The following VPS8 variants were observed in gnomAD, a reference collection of about 807,000 sequenced individuals.
The protein encoded by VPS8 is vacuolar protein sorting-associated protein 8 homolog.
Under a neutral mutation model 216.4 loss-of-function variants are expected in VPS8, and 129 were observed. That is an observed-to-expected ratio of 0.60 (90% CI 0.52 to 0.69). VPS8 has a LOEUF of 0.69. VPS8 is among the 30% of genes least tolerant of loss of function. The probability of loss-of-function intolerance (pLI) is 0.00; values close to 1 mark genes in which losing one functional copy is unlikely to be tolerated. For synonymous variants in VPS8, 571 were observed against 565.4 expected (o/e 1.01, Z -0.14); for missense variants, 1,531 against 1,683.5 (o/e 0.91, Z 1.59).
chr3:185,046,194 T>A (rs1280438802), intron 46 of VPS8, among the ~76,000 whole-genome samples: 1 of 152,214 alleles, frequency 6.6e-6, no homozygotes, highest in East Asian at 1.9e-4. Flanking sequence ...AGAATACTTT[T>A]ATGTTTTTGG....
chr3:184,904,124 A>AT (rs1560605708), intron 25 of VPS8, among the ~76,000 whole-genome samples: 2 of 152,108 alleles, frequency 1.3e-5, no homozygotes, highest in African/African-American at 4.8e-5. Flanking sequence ...ATTAGTGCTA[A>AT]TTTTTAACTT....
chr3:185,024,754 G>A (rs901528345), intron 46 of VPS8, among the ~76,000 whole-genome samples: 3 of 152,192 alleles, frequency 2.0e-5, no homozygotes, highest in Non-Finnish European at 2.9e-5. Flanking sequence ...TGTAATCCCA[G>A]CACTTTGGGA....
intron 1 of VPS8, among the ~76,000 whole-genome samples, chr3:184,822,428 C>T (rs1003998155): frequency 6.6e-6 from 1 of 152,122 alleles, no homozygotes; most frequent in Non-Finnish European, 1.5e-5. Context: ...GGTCTTGGAA[C>T]CTCTTAATAA....
At chr3:185,007,562 C>A (rs4591487) in intron 45 of VPS8, among the ~76,000 whole-genome samples, 135,343 of 152,214 alleles carry the variant, frequency 0.89, 61,556 homozygotes, top group Non-Finnish European at 0.98. Flanking sequence ...CAGGGCTTGG[C>A]GTTCTTGAGA....
chr3:184,932,661 A>C (rs1361047517), intron 34 of VPS8, among the ~76,000 whole-genome samples: 1 of 152,120 alleles, frequency 6.6e-6, no homozygotes, highest in Non-Finnish European at 1.5e-5. Flanking sequence ...CTGTTACTGC[A>C]TGTGCATGCA....
At chr3:184,936,196 C>G (rs1171110859) in intron 34 of VPS8, 50 bp from the exon 35 acceptor site, 1 of 1,483,298 alleles carries the variant, frequency 6.7e-7, no homozygotes, top group Admixed American at 1.9e-5. Flanking sequence ...TGTGGATATG[C>G]TGTTTAAATG....
chr3:184,942,448 G>C (rs149893975), intron 36 of VPS8, among the ~76,000 whole-genome samples: 2 of 152,114 alleles, frequency 1.3e-5, no homozygotes, highest in Admixed American at 6.6e-5. Flanking sequence ...AAGAGTCAGC[G>C]TGCTCACAGG....
intron 44 of VPS8, among the ~76,000 whole-genome samples, chr3:184,997,293 A>G (rs775978090): frequency 6.6e-6 from 1 of 152,208 alleles, no homozygotes; most frequent in Non-Finnish European, 1.5e-5. Context: ...ACTCTACTAC[A>G]TGCCAGCTGT....
At chr3:184,951,074 A>G (rs1485047644) in intron 36 of VPS8, among the ~76,000 whole-genome samples, 3 of 152,208 alleles carry the variant, frequency 2.0e-5, no homozygotes, top group East Asian at 1.9e-4. Flanking sequence ...TCCTTCGGGT[A>G]TATACCCAGT....
intron 28 of VPS8, among the ~76,000 whole-genome samples, chr3:184,916,082 C>G (rs1277095841): frequency 6.6e-6 from 1 of 152,104 alleles, no homozygotes; most frequent in Non-Finnish European, 1.5e-5. Context: ...GAACTTAGGG[C>G]CTGGCATACA....
At chr3:184,820,033 G>T (rs1309307118) in intron 1 of VPS8, among the ~76,000 whole-genome samples, 1 of 152,130 alleles carries the variant, frequency 6.6e-6, no homozygotes, top group African/African-American at 2.4e-5. Context: ...CACTGTCTTG[G>T]GTGGAAGAGG....
intron 1 of VPS8, among the ~76,000 whole-genome samples, chr3:184,816,429 T>C (rs1234938338): frequency 1.3e-5 from 2 of 152,196 alleles, no homozygotes; most frequent in African/African-American, 4.8e-5. Flanking sequence ...TATGTACTTA[T>C]GATCACTCTC....
chr3:185,038,514 G>A (rs943197551), intron 46 of VPS8, among the ~76,000 whole-genome samples: 1 of 152,120 alleles, frequency 6.6e-6, no homozygotes, highest in Non-Finnish European at 1.5e-5. Flanking sequence ...TGTAGTCTAG[G>A]TTGTATTTTC....
chr3:184,833,426 C>T (rs1016895176), intron 4 of VPS8, among the ~76,000 whole-genome samples: 3 of 152,044 alleles, frequency 2.0e-5, no homozygotes, highest in African/African-American at 7.3e-5. Context: ...TTCGATTTTG[C>T]CTGTGTCAAT....
intron 29 of VPS8, among the ~76,000 whole-genome samples, chr3:184,923,768 G>T (rs1198249501): frequency 2.6e-5 from 4 of 152,094 alleles, no homozygotes; most frequent in African/African-American, 2.4e-5. Flanking sequence ...CCATGATTTT[G>T]CTCTCACTCT....
At chr3:184,818,478 T>C (rs1321812647) in intron 1 of VPS8, among the ~76,000 whole-genome samples, 1 of 148,162 alleles carries the variant, frequency 6.7e-6, no homozygotes, top group Non-Finnish European at 1.5e-5. Context: ...GCCGAGCTTA[T>C]GCCACTGCAC....
At position 184,912,822 on chromosome 3, in the gene VPS8, T is replaced by C. The variant is rs144171391; in HGVS notation, c.2147-697T>C. ...TGTCCAGTATTCATATTACCAAAAA[T>C]AGAAACTCCAGCTCTTCATTATTGC... On this transcript the variant is annotated intron_variant, in intron 25 of 47. Coordinates refer to ENST00000625842, the MANE Select transcript of VPS8 (RefSeq NM_001009921.3). Among the ~76,000 whole-genome samples, 26 of 152,334 alleles carry C rather than the reference T, an allele frequency of 1.7e-4. No individual in the cohort carries two copies. The East Asian group carries it at 4.6e-3, about 27-fold the overall frequency.
intron 4 of VPS8, among the ~76,000 whole-genome samples, chr3:184,833,633 G>A (rs911011771): frequency 1.3e-5 from 2 of 152,132 alleles, no homozygotes; most frequent in African/African-American, 2.4e-5. Context: ...TCTGGGCCAC[G>A]CTTACTGTTT....
At position 184,832,723 on chromosome 3, in the gene VPS8, A is replaced by G; in HGVS notation, c.257A>G (p.Asp86Gly). ...DDEDESFILE[D>G]PTLLNIDTID... ...GAAGATGAGTCTTTTATTCTTGAGG[A>G]TCCTACATTGTTAAACATTGATACT... The change falls in exon 4 of 48, where the codon GAT becomes GGT. Residue 86 changes from aspartate to glycine, a missense_variant. Asp to Gly is a moderately conservative substitution (Grantham distance 94). This residue lies in a region of VPS8 where 199 missense variants were observed against 182.2 expected (regional missense o/e 1.09). Transcript: ENST00000625842. 1 of 1,606,422 alleles carries G rather than the reference A, an allele frequency of 6.2e-7. No homozygotes were observed. The highest frequency in any genetic ancestry group is 8.5e-7 in the Non-Finnish European group (1 of 1,175,568).
Sources: allele counts gnomAD v4.1 joint callset (sites outside exome capture counted in the v4.1 genomes callset), GRCh38; gene constraint gnomAD v4.1.1; regional missense constraint gnomAD v4.1.1; transcripts MANE v1.5; gene names NCBI Gene and HGNC (gene_info 2026-07-23, HGNC 2026-07-21).